SPTBN1: variants seen among roughly 807,000 people sequenced by gnomAD.
SPTBN1 encodes the protein spectrin beta chain, non-erythrocytic 1.
SPTBN1 carries 32 observed loss-of-function variants against 266.4 expected under a neutral mutation model. That is an observed-to-expected ratio of 0.12 (90% CI 0.09 to 0.16). The LOEUF (loss-of-function observed/expected upper bound fraction) is 0.16, where lower values mean the gene tolerates loss of function less well. Among genes scored for constraint, SPTBN1 ranks in the 10% least tolerant of loss-of-function variants. The pLI is 1.00. For missense variants in SPTBN1, 2,296 were observed against 3,067.1 expected (o/e 0.75, Z 5.94); for synonymous variants, 1,336 against 1,162.2 (o/e 1.15, Z -3.04).
chr2:54,487,098 A>AT (rs1365442620), intron 1 of SPTBN1, among the ~76,000 whole-genome samples: 2 of 150,922 alleles, frequency 1.3e-5, no homozygotes, highest in African/African-American at 4.9e-5. Flanking sequence ...ATTAGGTAAT[A>AT]TACACAGTTT....
rs1474357703 is a variant in SPTBN1 at position 54,665,809 on chromosome 2, A to G, written c.6660-106A>G. Reference sequence around the variant, plus strand: ...AAGGTTGAGGGTTGGGTGGGGTCACACTGTGTTGTGTGAGGATCATTTTCA... The same window carrying G: ...AAGGTTGAGGGTTGGGTGGGGTCACGCTGTGTTGTGTGAGGATCATTTTCA... On this transcript the variant is annotated intron_variant, in intron 33 of 35. Coordinates refer to ENST00000356805, the MANE Select transcript of SPTBN1 (RefSeq NM_003128.3). 8 of 1,346,578 alleles carry G rather than the reference A, an allele frequency of 5.9e-6. No individual in the cohort carries two copies. The Admixed American group carries it at 1.2e-4, about 19-fold the overall frequency. 83.4% of individuals were successfully genotyped at this position (1,346,578 alleles called of 1,614,324 possible).
intron 2 of SPTBN1, chr2:54,557,929 C>A (rs1227270252): frequency 2.3e-5 from 23 of 985,264 alleles, no homozygotes; most frequent in African/African-American, 3.5e-5. Context: ...TTGGCGCCAG[C>A]GCACTGGGGC....
rs1263550912 is a variant in SPTBN1 at position 54,626,638 on chromosome 2, A to T, written c.1644+404A>T. 6.6e-6 allele frequency among the ~76,000 whole-genome samples: 1 copy of T among 152,188 alleles called. No individual in the cohort carries two copies. Among genetic ancestry groups the T allele is most frequent in the Non-Finnish European group, 1.5e-5 (1 of 68,026 alleles). ...GGAGAAGGGAGGAGTGGTAGGTGCCATGGACAGAGGAGAGGTCAGGAACCA... is the reference window on the plus strand; with the variant it reads ...GGAGAAGGGAGGAGTGGTAGGTGCCTTGGACAGAGGAGAGGTCAGGAACCA... On this transcript the variant is annotated intron_variant, in intron 12 of 35. Transcript: ENST00000356805. This position sits in a 1 kb window ranked among gnomAD's most constrained non-coding sequence, Gnocchi z 4.7.
At chr2:54,612,501 G>A (rs528986643) in intron 4 of SPTBN1, among the ~76,000 whole-genome samples, 167 bp downstream of exon 4, 14 of 152,286 alleles carry the variant, frequency 9.2e-5, no homozygotes, top group African/African-American at 3.1e-4. Context: ...ATGCTGCCTC[G>A]TAGGCACGTG....
At chr2:54,622,061 C>T (rs532234893) in intron 8 of SPTBN1, among the ~76,000 whole-genome samples, 2 of 152,260 alleles carry the variant, frequency 1.3e-5, no homozygotes, top group Admixed American at 1.3e-4. Flanking sequence ...TGGAAAGTTA[C>T]AGAACCAATT....
At chr2:54,641,295 G>GCT (rs146633488) in intron 18 of SPTBN1, among the ~76,000 whole-genome samples, 25,293 of 151,212 alleles carry the variant, frequency 0.17, 2,225 homozygotes, top group Middle Eastern at 0.25. Flanking sequence ...TATGTAGCGC[G>GCT]CTCTCTCTCT....
chr2:54,566,695 G>A (rs1296010329), intron 2 of SPTBN1, among the ~76,000 whole-genome samples: 2 of 151,986 alleles, frequency 1.3e-5, no homozygotes, highest in African/African-American at 2.4e-5. Context: ...CCTGGGCATG[G>A]TGGTACACGC....
chr2:54,570,913 A>G (rs1166764606), intron 2 of SPTBN1, among the ~76,000 whole-genome samples: 1 of 151,886 alleles, frequency 6.6e-6, no homozygotes. Flanking sequence ...AGTGTATAGT[A>G]TTTGAGATGT....
chr2:54,479,760 G>A (rs1668009942), intron 1 of SPTBN1, among the ~76,000 whole-genome samples: 1 of 152,124 alleles, frequency 6.6e-6, no homozygotes, highest in African/African-American at 2.4e-5. Context: ...AATAGTTGTA[G>A]CTATTTAAAA....
At chr2:54,640,230 T>C (rs917053763) in intron 18 of SPTBN1, among the ~76,000 whole-genome samples, 4 of 152,190 alleles carry the variant, frequency 2.6e-5, no homozygotes, top group African/African-American at 9.7e-5. Flanking sequence ...AATCTACCTG[T>C]CATTCTGGTA....
intron 1 of SPTBN1, among the ~76,000 whole-genome samples, chr2:54,521,227 C>T (rs1032548430): frequency 6.6e-6 from 1 of 152,238 alleles, no homozygotes; most frequent in Admixed American, 6.5e-5. Context: ...CATGGGCACA[C>T]TCTTCCATAC....
At chr2:54,608,133 C>G (rs1419588383) in intron 3 of SPTBN1, among the ~76,000 whole-genome samples, 2 of 152,174 alleles carry the variant, frequency 1.3e-5, no homozygotes, top group East Asian at 3.9e-4. Context: ...CAAGCCCAGT[C>G]TGTCTGCTGG....
intron 1 of SPTBN1, among the ~76,000 whole-genome samples, chr2:54,494,491 A>G (rs765308053): frequency 6.6e-6 from 1 of 152,224 alleles, no homozygotes; most frequent in Non-Finnish European, 1.5e-5. Flanking sequence ...GAAACAACCT[A>G]CATGTCCATC....
intron 1 of SPTBN1, among the ~76,000 whole-genome samples, chr2:54,519,980 G>T (rs1318362592): frequency 1.3e-5 from 2 of 152,136 alleles, no homozygotes; most frequent in East Asian, 1.9e-4. Flanking sequence ...AGAGGTCGGG[G>T]CTGTGAGTTC....
chr2:54,580,232 G>A (rs1305731306), intron 2 of SPTBN1, among the ~76,000 whole-genome samples: 2 of 152,118 alleles, frequency 1.3e-5, no homozygotes, highest in Admixed American at 1.3e-4. Context: ...GTTAGTCTGG[G>A]GTGACTTTAC....
At chr2:54,613,479 T>A (rs1011766251) in intron 4 of SPTBN1, among the ~76,000 whole-genome samples, 6 of 152,202 alleles carry the variant, frequency 3.9e-5, no homozygotes, top group Admixed American at 2.0e-4. Context: ...TGATTATATA[T>A]GTGGGAAGAA....
Position 54,653,639 on chromosome 2 carries a change from C to T in SPTBN1, c.5608C>T (p.Leu1870Phe). 2 of 1,613,956 alleles carry T rather than the reference C, an allele frequency of 1.2e-6. No homozygotes were observed. The highest frequency in any genetic ancestry group is 1.7e-6 in the Non-Finnish European group (2 of 1,179,982). The change falls in exon 27 of 36, where the codon CTC becomes TTC. Residue 1870 changes from leucine (L) to phenylalanine (F), a missense_variant. Leu to Phe is a conservative substitution (Grantham distance 22, BLOSUM62 0). Transcript: ENST00000356805. The surrounding 1 kb of genome is among the most constrained non-coding windows in gnomAD (Gnocchi z 5.1). ...GCAGCTGCAGGAGGATGCAGCCCGC[C>T]TCCAGGCGGCCTATGCGGGTGACAA... Reference protein sequence around the residue: ...VRQLQEDAARLQAAYAGDKAD... With the variant: ...VRQLQEDAARFQAAYAGDKAD...
At chr2:54,592,221 A>G (rs1675728087) in intron 2 of SPTBN1, among the ~76,000 whole-genome samples, 1 of 152,222 alleles carries the variant, frequency 6.6e-6, no homozygotes, top group Admixed American at 6.5e-5. Context: ...TAGACGCATT[A>G]CAGCCTTTCA....
chr2:54,565,186 G>T (rs1673583622), intron 2 of SPTBN1, among the ~76,000 whole-genome samples: 2 of 152,224 alleles, frequency 1.3e-5, no homozygotes, highest in South Asian at 4.1e-4. Flanking sequence ...TTGAGAAATA[G>T]TCCCTTATTG....
Sources: allele counts gnomAD v4.1 joint callset (sites outside exome capture counted in the v4.1 genomes callset), GRCh38; gene constraint gnomAD v4.1.1; non-coding constraint Gnocchi (gnomAD v3.1); transcripts MANE v1.5; gene names NCBI Gene and HGNC (gene_info 2026-07-23, HGNC 2026-07-21).